TLN2: variants seen among roughly 807,000 people sequenced by gnomAD.
The protein encoded by TLN2 is talin 2.
A neutral mutation model predicts 294.7 loss-of-function variants in TLN2; 118 were observed. The observed-to-expected ratio is 0.40, with a 90% CI of 0.34 to 0.47. The LOEUF is 0.47. Ranked by LOEUF, TLN2 falls within the 20% of genes least tolerant of loss-of-function variation. The probability of loss-of-function intolerance (pLI) is 0.84; values close to 1 mark genes in which losing one functional copy is unlikely to be tolerated. For synonymous variants in TLN2, 1,431 were observed against 1,304.5 expected, an observed-to-expected ratio of 1.10 and a Z score of -2.09; for missense variants, 3,083 against 3,282.2, an observed-to-expected ratio of 0.94 and a Z score of 1.48.
intron 37 of TLN2, among the ~76,000 whole-genome samples, chr15:62,757,247 C>A (rs1457767169): frequency 6.6e-6 from 1 of 152,182 alleles, no homozygotes; most frequent in Non-Finnish European, 1.5e-5. Flanking sequence ...CTGCTTTCAG[C>A]CCTGGCATGC....
chr15:62,595,294 C>T (rs564702525), intron 2 of TLN2, among the ~76,000 whole-genome samples: 1 of 151,782 alleles, frequency 6.6e-6, no homozygotes, highest in Admixed American at 6.6e-5. Context: ...GTGGTGGGCG[C>T]CTGTAATCCC....
At chr15:62,399,285 A>AAT (rs60728667) in intron 1 of TLN2, among the ~76,000 whole-genome samples, 1 of 147,212 alleles carries the variant, frequency 6.8e-6, no homozygotes, top group Non-Finnish European at 1.5e-5. Context: ...AAAAAAAAAA[A>AAT]GTAAGAAATG....
At chr15:62,469,214 A>G (rs2037328074) in intron 1 of TLN2, among the ~76,000 whole-genome samples, 2 of 152,228 alleles carry the variant, frequency 1.3e-5, no homozygotes, top group Admixed American at 6.5e-5. Flanking sequence ...GCATGTAAGC[A>G]GACTTCTCAT....
In TLN2 at chr15:62,729,608, A is replaced by G. The variant is rs548661287; in HGVS notation, c.3358+2419A>G. 5.3e-5 allele frequency among the ~76,000 whole-genome samples: 8 copies of G among 151,600 alleles called. No homozygotes were observed. The South Asian group carries it at 1.0e-3, about 20-fold the overall frequency. On this transcript the variant is annotated intron_variant, in intron 28 of 58. Transcript: ENST00000636159. ...ACCTTTTTTCATTCTTTTACTTTCAATTTTTCTTCATGCTTATATTTAATG... is the reference window on the plus strand; with the variant it reads ...ACCTTTTTTCATTCTTTTACTTTCAGTTTTTCTTCATGCTTATATTTAATG...
rs563244725 is a variant in TLN2, at chr15:62,395,721, C to A, written c.-238+5036C>A. On this transcript the variant is annotated intron_variant, in intron 1 of 58. Transcript: ENST00000636159. ...GTAAAATGAATAAAATAAGGTACAT[C>A]CATAGTATGGATTATTTTGTGAGGG... Among the ~76,000 whole-genome samples, 28 of 152,060 alleles carry A rather than the reference C, an allele frequency of 1.8e-4. No homozygotes were observed. The East Asian group carries it at 3.9e-3, about 21-fold the overall frequency.
At position 62,702,780 on chromosome 15, in the gene TLN2, T is replaced by G. The variant is rs993932666; in HGVS notation, c.1920T>G (p.Val640=). Residue 640 remains valine (V), a synonymous_variant, in exon 19 of 59, where the codon GTT becomes GTG. Transcript: ENST00000636159. ...QPTSGEPRQT[V]LTAAGSIGQA... is the part of the protein sequence containing the mutation. ...TTTGTTCACAGCCTCGACAGACAGTTTTGACTGCTGCTGGCAGCATCGGAC... is the reference window on the plus strand; with the variant it reads ...TTTGTTCACAGCCTCGACAGACAGTGTTGACTGCTGCTGGCAGCATCGGAC... The G allele has an allele frequency of 3.7e-6, 6 of 1,614,078 alleles. No homozygotes were observed. The highest frequency in any genetic ancestry group is 5.1e-6 in the Non-Finnish European group (6 of 1,180,022).
At chr15:62,584,805 T>C (rs1237973735) in intron 1 of TLN2, among the ~76,000 whole-genome samples, 2 of 152,236 alleles carry the variant, frequency 1.3e-5, no homozygotes, top group Admixed American at 1.3e-4. Flanking sequence ...GCTTCTTGGA[T>C]TTTATGATTT....
intron 1 of TLN2, among the ~76,000 whole-genome samples, chr15:62,410,594 T>C (rs538000783): frequency 6.6e-6 from 1 of 152,342 alleles, no homozygotes; most frequent in South Asian, 2.1e-4. Flanking sequence ...TTGAAAACTG[T>C]TCTTTGTGCA....
At chr15:62,513,264 G>T (rs932621703) in intron 1 of TLN2, among the ~76,000 whole-genome samples, 1 of 152,070 alleles carries the variant, frequency 6.6e-6, no homozygotes. Context: ...TCCTTTGCTT[G>T]CTGTGCCTGT....
chr15:62,669,319 C>G (rs1308547467), intron 9 of TLN2, among the ~76,000 whole-genome samples: 2 of 152,206 alleles, frequency 1.3e-5, no homozygotes, highest in African/African-American at 4.8e-5. Flanking sequence ...AGAACAAATA[C>G]AGTGGACTTG....
At chr15:62,535,083 G>T (rs1407509384) in intron 1 of TLN2, among the ~76,000 whole-genome samples, 1 of 152,218 alleles carries the variant, frequency 6.6e-6, no homozygotes, top group Non-Finnish European at 1.5e-5. Flanking sequence ...AGATTTTAGT[G>T]AACTTCCCTG....
At chr15:62,770,880 C>A in intron 41 of TLN2, 84 bp from the exon 42 acceptor site, 3 of 1,504,728 alleles carry the variant, frequency 2.0e-6, no homozygotes, top group Non-Finnish European at 2.7e-6. Flanking sequence ...TCCTGTTCCC[C>A]TCCCGCGCCT....
intron 25 of TLN2, 48 bp downstream of exon 25, chr15:62,719,928 G>A (rs765362618): frequency 2.1e-6 from 3 of 1,433,668 alleles, no homozygotes; most frequent in African/African-American, 2.8e-5. Context: ...CCTCTTCTGG[G>A]CAGGGGCTGC....
rs749065850 is a variant in TLN2 at position 62,796,266 on chromosome 15, A to T, written c.6023A>T (p.Glu2008Val). ...GCAACAGCGGGGACGCTGAATGCAG[A>T]GAACAGTGAGACCTTCGCAGACCAC... ...MFATAGTLNA[E>V]NSETFADHRE... The change falls in exon 47 of 59, where the codon GAG becomes GTG. Residue 2008 changes from glutamate to valine, a missense_variant. Physicochemically the swap from Glu to Val is moderately radical, Grantham distance 121. Transcript: ENST00000636159. 6.2e-7 allele frequency: 1 copy of T among 1,614,182 alleles called. No individual in the cohort carries two copies. Among genetic ancestry groups the T allele is most frequent in the South Asian group, 1.1e-5 (1 of 91,076 alleles).
intron 41 of TLN2, among the ~76,000 whole-genome samples, chr15:62,767,624 C>A (rs1195485304): frequency 6.6e-6 from 1 of 152,206 alleles, no homozygotes; most frequent in East Asian, 1.9e-4. Flanking sequence ...CAGGCGTGAG[C>A]CACTGCGCCC....
At chr15:62,405,302 G>T (rs2140243973) in intron 1 of TLN2, among the ~76,000 whole-genome samples, 2 of 152,244 alleles carry the variant, frequency 1.3e-5, no homozygotes, top group South Asian at 4.2e-4. Context: ...ATCCTAGGAG[G>T]GTTTCCTATA....
chr15:62,570,596 C>T (rs1487250417), intron 1 of TLN2, among the ~76,000 whole-genome samples: 2 of 152,000 alleles, frequency 1.3e-5, no homozygotes, highest in East Asian at 1.9e-4. Context: ...TTCTCTTTTC[C>T]CTAATTTTGG....
At chr15:62,695,215 T>C (rs1174638516) in intron 14 of TLN2, among the ~76,000 whole-genome samples, 3 of 152,214 alleles carry the variant, frequency 2.0e-5, no homozygotes, top group Admixed American at 2.0e-4. Context: ...TAGAGCAATG[T>C]AATGACTGTT....
At position 62,752,430 on chromosome 15, in the gene TLN2, A is replaced by G. The variant is rs775648308; in HGVS notation, c.4332+3A>G. On this transcript the variant is annotated splice_donor_region_variant and intron_variant, in intron 35 of 58. Transcript: ENST00000636159. The stretch of plus-strand genomic sequence containing the variant: ...GGCTGACAGAGGCTGCAGCCCAGGT[A>G]AGGGGCTAGTCCCGATGCAGCCATG... 3.7e-6 allele frequency: 6 copies of G among 1,614,064 alleles called. No homozygotes were observed. The South Asian group carries it at 6.6e-5, about 18-fold the overall frequency.
Sources: gnomAD v4.1 joint callset for allele counts (sites outside exome capture counted in the v4.1 genomes callset) on GRCh38, gnomAD v4.1.1 for gene constraint, MANE v1.5 for transcripts, NCBI Gene and HGNC (gene_info 2026-07-23, HGNC 2026-07-21) for gene names.